The following TBC1D2 variants were observed in gnomAD, a reference collection of about 807,000 sequenced individuals.
TBC1D2 encodes TBC1 domain family member 2.
TBC1D2 carries 58 observed loss-of-function variants against 91.1 expected under a neutral mutation model. The ratio of observed to expected loss-of-function variants is 0.64; its 90% CI spans 0.52 to 0.79. The LOEUF (loss-of-function observed/expected upper bound fraction) is 0.79. Among genes scored for constraint, TBC1D2 ranks in the 30% least tolerant of loss-of-function variants. The pLI is 0.00. For synonymous variants in TBC1D2, 482 were observed against 511.5 expected, an observed-to-expected ratio of 0.94 and a Z score of 0.78; for missense variants, 1,080 against 1,208.3, an observed-to-expected ratio of 0.89 and a Z score of 1.57.
intron 10 of TBC1D2, 39 bp downstream of exon 10, chr9:98,203,249 C>T (rs1333497029): frequency 1.9e-6 from 3 of 1,611,886 alleles, no homozygotes; most frequent in Admixed American, 1.7e-5. Flanking sequence ...TGGGGCACTG[C>T]CCTACATGGC....
At position 98,200,307 on chromosome 9, in the gene TBC1D2, C is replaced by T; in HGVS notation, c.2525G>A (p.Gly842Asp). ...NEKEILRLQN[G>D]LEIYQYLRFF... is the part of the protein sequence containing the mutation. Reference sequence around the variant, plus strand: ...GCGCAGGTACTGGTAGATTTCCAGGCCATTCTGTAGCCTCAAGATCTCCTT... The same window carrying T: ...GCGCAGGTACTGGTAGATTTCCAGGTCATTCTGTAGCCTCAAGATCTCCTT... Residue 842 changes from glycine (G) to aspartate (D), a missense_variant, in exon 12 of 13, where the codon GGC (glycine) becomes GAC (aspartate). Transcript: ENST00000465784. 1.2e-6 allele frequency: 2 copies of T among 1,613,658 alleles called. No homozygotes were observed.
Position 98,207,165 on chromosome 9 carries a change from A to C in TBC1D2, c.2150+1503T>G, listed in dbSNP as rs561315318. On this transcript the variant is annotated intron_variant, in intron 9 of 12. Coordinates refer to ENST00000465784, the MANE Select transcript of TBC1D2 (RefSeq NM_001267571.2). The stretch of plus-strand genomic sequence containing the variant: ...CTCTTAATTCCCAGGAATTGTACAT[A>C]CACATGCTCAATTTCACCCAATTTT... Among the ~76,000 whole-genome samples, 6 of 152,330 alleles carry C rather than the reference A, an allele frequency of 3.9e-5. No individual in the cohort carries two copies. In the East Asian group the frequency reaches 7.7e-4, roughly 20 times the overall value.
chr9:98,248,473 CA>C lies in TBC1D2; in HGVS notation c.511+3311del, dbSNP rs1290000064. 5.9e-5 allele frequency among the ~76,000 whole-genome samples: 9 copies of C among 152,254 alleles called. No individual in the cohort carries two copies. In the South Asian group the frequency reaches 1.9e-3, roughly 32 times the overall value. ...CAGTGGGAAGAAGGCGCTGCCTAGACAAAAAAAGGGCCTGACCCAGGAGGTC... is the reference window on the plus strand; with the variant it reads ...CAGTGGGAAGAAGGCGCTGCCTAGACAAAAAAGGGCCTGACCCAGGAGGTC... On this transcript the variant is annotated intron_variant, in intron 2 of 12. Transcript: ENST00000465784.
chr9:98,208,889 G>C lies in TBC1D2; in HGVS notation c.1929C>G (p.Val643=), dbSNP rs1270161735. ...AGCAGCCTGGAGTGTGCAGGTGCTG[G>C]ACACGGAGGTGGACCAGCCACCTCC... ...RVWRWLVHLR[V]QHLHTPGCYQ... Residue 643 remains valine, a synonymous_variant, in exon 9 of 13, where the codon GTC becomes GTG. Transcript: ENST00000465784. 1 of 1,614,016 alleles carries C rather than the reference G, an allele frequency of 6.2e-7. No individual in the cohort carries two copies. The highest frequency in any genetic ancestry group is 8.5e-7 in the Non-Finnish European group (1 of 1,180,008).
intron 2 of TBC1D2, among the ~76,000 whole-genome samples, chr9:98,244,649 A>G (rs1829725505): frequency 7.5e-6 from 1 of 132,514 alleles, no homozygotes; most frequent in Non-Finnish European, 1.6e-5. Context: ...ACAAGAGTGA[A>G]ACTCCGTCTC....
chr9:98,210,582 G>A, intron 8 of TBC1D2, 74 bp downstream of exon 8: 1 of 1,418,114 alleles, frequency 7.1e-7, no homozygotes, highest in Admixed American at 2.5e-5. Context: ...TGGTTGGCAG[G>A]ACCTGGCAGC....
intron 9 of TBC1D2, among the ~76,000 whole-genome samples, chr9:98,206,316 T>C (rs7029585): frequency 0.55 from 83,573 of 152,126 alleles, 23,762 homozygotes; most frequent in African/African-American, 0.72. Flanking sequence ...ATTATCTGCA[T>C]TTGCATATCA....
At chr9:98,252,517 T>C (rs1210372241) in intron 1 of TBC1D2, among the ~76,000 whole-genome samples, 3 of 152,206 alleles carry the variant, frequency 2.0e-5, no homozygotes, top group Non-Finnish European at 4.4e-5. Context: ...TAAATGCTGG[T>C]CATTAGTCTC....
At chr9:98,218,448 T>A (rs368795938) in intron 6 of TBC1D2, among the ~76,000 whole-genome samples, 239 of 152,014 alleles carry the variant, frequency 1.6e-3, no homozygotes, top group African/African-American at 5.6e-3. Context: ...GCACCTGTAG[T>A]CCCAGCTACT....
Position 98,199,522 on chromosome 9 carries a change from G to T in TBC1D2, c.2646C>A (p.Arg882=). ...CCTCCAGCCGCTCCCGGTGGACCAT[G>T]CGCAGCTGCCGCAGCTGTTTCATGC... is the stretch of plus-strand genomic sequence containing the variant. ...PFRMKQLRQL[R]MVHRERLEAE... Residue 882 remains arginine (R), a synonymous_variant, in exon 13 of 13, where the codon CGC becomes CGA. Coordinates refer to ENST00000465784, the MANE Select transcript of TBC1D2 (RefSeq NM_001267571.2). The T allele has an allele frequency of 6.2e-7, 1 of 1,614,180 alleles. No individual in the cohort carries two copies. The highest frequency in any genetic ancestry group is 8.5e-7 in the Non-Finnish European group (1 of 1,180,048).
chr9:98,244,267 G>T, intron 2 of TBC1D2, 138 bp from the exon 3 acceptor site: 2 of 1,135,926 alleles, frequency 1.8e-6, no homozygotes, highest in Non-Finnish European at 1.3e-6. Context: ...GGCCCTCCCT[G>T]TAGGTTAACA....
At chr9:98,245,010 G>A (rs1829735132) in intron 2 of TBC1D2, among the ~76,000 whole-genome samples, 1 of 151,190 alleles carries the variant, frequency 6.6e-6, no homozygotes, top group Non-Finnish European at 1.5e-5. Flanking sequence ...GGAGGCTGAG[G>A]CAGGCAGATC....
At chr9:98,245,712 T>G (rs1441002694) in intron 2 of TBC1D2, among the ~76,000 whole-genome samples, 3 of 152,240 alleles carry the variant, frequency 2.0e-5, no homozygotes, top group African/African-American at 7.2e-5. Flanking sequence ...TTTTACTGTT[T>G]TTTTTCCAAA....
intron 2 of TBC1D2, among the ~76,000 whole-genome samples, chr9:98,250,068 A>G (rs1027732246): frequency 6.6e-6 from 1 of 152,312 alleles, no homozygotes; most frequent in Admixed American, 6.5e-5. Flanking sequence ...GTGTTTGAAA[A>G]AAGTGTTGAG....
intron 8 of TBC1D2, 23 bp downstream of exon 8, chr9:98,210,633 C>A: frequency 2.6e-6 from 4 of 1,554,036 alleles, no homozygotes; most frequent in Non-Finnish European, 3.5e-6. Flanking sequence ...ATAGACCAGC[C>A]CTTCCTGGGC....
At chr9:98,223,043 G>T (rs1829138148) in intron 5 of TBC1D2, among the ~76,000 whole-genome samples, 2 of 152,182 alleles carry the variant, frequency 1.3e-5, no homozygotes, top group African/African-American at 4.8e-5. Flanking sequence ...GCCCAGAGAG[G>T]GAGTGGTGAG....
intron 3 of TBC1D2, among the ~76,000 whole-genome samples, chr9:98,243,301 G>T (rs988337083): frequency 2.0e-5 from 3 of 151,862 alleles, no homozygotes; most frequent in Non-Finnish European, 4.4e-5. Context: ...TATGTATATA[G>T]AAAATGTAGA....
chr9:98,199,508 T>A lies in TBC1D2; in HGVS notation c.2660A>T (p.Glu887Val). Residue 887 changes from glutamate to valine, a missense_variant, in exon 13 of 13, where the codon GAG (glutamate) becomes GTG (valine). Transcript: ENST00000465784. ...CTCCCGCAGCTCAGCCTCCAGCCGCTCCCGGTGGACCATGCGCAGCTGCCG... is the reference window on the plus strand; with the variant it reads ...CTCCCGCAGCTCAGCCTCCAGCCGCACCCGGTGGACCATGCGCAGCTGCCG... Reference protein sequence around the residue: ...QLRQLRMVHRERLEAELRELE... With the variant: ...QLRQLRMVHRVRLEAELRELE... 1.9e-6 allele frequency: 3 copies of A among 1,614,024 alleles called. No homozygotes were observed. The highest frequency in any genetic ancestry group is 2.5e-6 in the Non-Finnish European group (3 of 1,179,998).
intron 5 of TBC1D2, among the ~76,000 whole-genome samples, chr9:98,221,621 G>T (rs564239220): frequency 6.6e-6 from 1 of 152,364 alleles, no homozygotes; most frequent in Admixed American, 6.5e-5. Context: ...ACCCACAGCA[G>T]AAGGTACATG....
Sources: gnomAD v4.1 joint callset for allele counts (sites outside exome capture counted in the v4.1 genomes callset) on GRCh38, gnomAD v4.1.1 for gene constraint, MANE v1.5 for transcripts, NCBI Gene and HGNC (gene_info 2026-07-23, HGNC 2026-07-21) for gene names.